SETD3: variants seen among roughly 807,000 people sequenced by gnomAD.
SETD3 encodes SET domain containing 3, actin N3(tau)-histidine methyltransferase, also known as actin-histidine N-methyltransferase.
In SETD3, 19 loss-of-function variants were observed where a neutral mutation model predicts 63.0. The ratio of observed to expected loss-of-function variants is 0.30; its 90% CI spans 0.21 to 0.44. The LOEUF is 0.44. SETD3 is among the 20% of genes least tolerant of loss of function. The probability of loss-of-function intolerance (pLI) is 1.00; values close to 1 mark genes in which losing one functional copy is unlikely to be tolerated. For missense variants in SETD3, 587 were observed against 728.5 expected (o/e 0.81, Z 2.24); for synonymous variants, 286 against 264.1 (o/e 1.08, Z -0.80).
chr14:99,447,181 C>T (rs187430848), intron 6 of SETD3, among the ~76,000 whole-genome samples: 9 of 152,214 alleles, frequency 5.9e-5, no homozygotes, highest in Non-Finnish European at 1.5e-5. Flanking sequence ...CCATGCTGGC[C>T]AGGCTGGTCT....
chr14:99,401,554 C>CTAA (rs1356518066), intron 11 of SETD3, among the ~76,000 whole-genome samples: 1 of 152,082 alleles, frequency 6.6e-6, no homozygotes, highest in East Asian at 1.9e-4. Flanking sequence ...TAGAGAGGAA[C>CTAA]TAAAGAGAAT....
chr14:99,455,976 G>A (rs1165808755), intron 6 of SETD3, among the ~76,000 whole-genome samples: 1 of 152,224 alleles, frequency 6.6e-6, no homozygotes, highest in Non-Finnish European at 1.5e-5. Flanking sequence ...CCAACGTGGC[G>A]AAACTCCATC....
intron 1 of SETD3, among the ~76,000 whole-genome samples, chr14:99,474,478 C>A (rs1895865939): frequency 6.6e-6 from 1 of 152,168 alleles, no homozygotes. Context: ...CTATAAATTG[C>A]ATGCAAATAA....
chr14:99,443,029 C>T (rs1036437535), intron 6 of SETD3, among the ~76,000 whole-genome samples: 1 of 152,136 alleles, frequency 6.6e-6, no homozygotes, highest in Non-Finnish European at 1.5e-5. Flanking sequence ...CCCTTTGAGC[C>T]TCATTTTCTT....
intron 6 of SETD3, among the ~76,000 whole-genome samples, chr14:99,428,147 AGCTATGTGGCCCCAAGCAGT>A (rs1336163849): frequency 6.6e-5 from 10 of 152,226 alleles, no homozygotes; most frequent in African/African-American, 2.4e-4. Flanking sequence ...TTAGAGTATT[AGCTATGTGGCCCCAAGCAGT>A]GCTACCCATC....
At chr14:99,439,877 C>G (rs889272509) in intron 6 of SETD3, among the ~76,000 whole-genome samples, 4 of 151,946 alleles carry the variant, frequency 2.6e-5, no homozygotes, top group African/African-American at 9.7e-5. Context: ...CTGCAACCAT[C>G]ACTTCCTGGG....
At chr14:99,443,255 A>ATTTTTT (rs996583091) in intron 6 of SETD3, among the ~76,000 whole-genome samples, 33 of 108,716 alleles carry the variant, frequency 3.0e-4, no homozygotes, top group South Asian at 5.9e-4. Context: ...CTGAACTCCC[A>ATTTTTT]TTTTTTTTTT....
At chr14:99,401,155 A>G (rs1162494845) in intron 11 of SETD3, among the ~76,000 whole-genome samples, 1 of 152,222 alleles carries the variant, frequency 6.6e-6, no homozygotes, top group Non-Finnish European at 1.5e-5. Flanking sequence ...AAAAAAAAAA[A>G]ATTCTCAGTT....
At chr14:99,412,840 G>T in intron 8 of SETD3, 111 bp downstream of exon 8, 1 of 752,354 alleles carries the variant, frequency 1.3e-6, no homozygotes, top group Non-Finnish European at 2.3e-6. Flanking sequence ...GTTCCTTTTG[G>T]AGGGAGGCAA....
At chr14:99,456,789 T>A (rs1894785771) in intron 6 of SETD3, among the ~76,000 whole-genome samples, 1 of 152,224 alleles carries the variant, frequency 6.6e-6, no homozygotes, top group South Asian at 2.1e-4. Context: ...AAAGCTGCAC[T>A]ACTTAGTTAA....
At chr14:99,471,455 C>G (rs1023454647) in intron 1 of SETD3, among the ~76,000 whole-genome samples, 1 of 152,148 alleles carries the variant, frequency 6.6e-6, no homozygotes, top group Non-Finnish European at 1.5e-5. Context: ...GTTAGGGTTA[C>G]GCTTATGTAA....
At chr14:99,481,431 C>T (rs1028181926), upstream of SETD3, 14 of 398,594 alleles carry the variant, frequency 3.5e-5, no homozygotes, top group Non-Finnish European at 5.3e-5. Context: ...ACAAGATGGC[C>T]GCAGTCGGCA....
intron 6 of SETD3, among the ~76,000 whole-genome samples, chr14:99,449,454 A>G (rs1894329049): frequency 6.6e-6 from 1 of 152,250 alleles, no homozygotes; most frequent in Non-Finnish European, 1.5e-5. Context: ...CTTTACTTCC[A>G]TGGTATTCTT....
intron 6 of SETD3, among the ~76,000 whole-genome samples, chr14:99,422,824 C>T (rs56055510): frequency 0.42 from 63,623 of 151,968 alleles, 13,824 homozygotes; most frequent in East Asian, 0.56. Flanking sequence ...AGTGGGGATG[C>T]AGGGAAGAAA....
intron 2 of SETD3, among the ~76,000 whole-genome samples, chr14:99,464,934 A>G (rs1159926622): frequency 1.3e-5 from 2 of 152,140 alleles, no homozygotes; most frequent in East Asian, 3.9e-4. Flanking sequence ...CTCGAGCCCA[A>G]GAGTTCAAGA....
intron 1 of SETD3, among the ~76,000 whole-genome samples, chr14:99,475,522 CAGAGA>C (rs1387941086): frequency 2.0e-5 from 3 of 152,252 alleles, no homozygotes; most frequent in East Asian, 3.8e-4. Flanking sequence ...TACGATATTG[CAGAGA>C]AGTTCACCAT....
chr14:99,454,340 C>A (rs1894633991), intron 6 of SETD3, among the ~76,000 whole-genome samples: 1 of 152,056 alleles, frequency 6.6e-6, no homozygotes, highest in Non-Finnish European at 1.5e-5. Context: ...CAGGTGTATG[C>A]CACCACACCT....
At chr14:99,441,190 C>T (rs748797906) in intron 6 of SETD3, among the ~76,000 whole-genome samples, 10 of 152,226 alleles carry the variant, frequency 6.6e-5, no homozygotes, top group Non-Finnish European at 1.0e-4. Context: ...CCAGTGGGGA[C>T]CCAGTGTGGG....
intron 11 of SETD3, among the ~76,000 whole-genome samples, chr14:99,403,463 T>A (rs916351075): frequency 0.045 from 2,991 of 67,140 alleles, 40 homozygotes; most frequent in East Asian, 0.1. Flanking sequence ...ACACTCTCTC[T>A]CTCTCTCTCT....
Sources: allele counts gnomAD v4.1 joint callset (sites outside exome capture counted in the v4.1 genomes callset), GRCh38; gene constraint gnomAD v4.1.1; transcripts MANE v1.5; gene names NCBI Gene and HGNC (gene_info 2026-07-23, HGNC 2026-07-21).